TCF4: variants seen among roughly 807,000 people sequenced by gnomAD.
The protein encoded by TCF4 is transcription factor 4, also known as SL3-3 enhancer factor 2.
Under a neutral mutation model 82.1 loss-of-function variants are expected in TCF4, and 3 were observed. The ratio of observed to expected loss-of-function variants is 0.04; its 90% CI spans 0.02 to 0.09. The LOEUF (loss-of-function observed/expected upper bound fraction) is 0.09. Ranked by LOEUF, TCF4 falls within the 10% of genes least tolerant of loss-of-function variation. The probability of loss-of-function intolerance (pLI) is 1.00; values close to 1 mark genes in which losing one functional copy is unlikely to be tolerated. For synonymous variants in TCF4, 276 were observed against 309.6 expected (o/e 0.89, Z 1.14); for missense variants, 518 against 852.7 (o/e 0.61, Z 4.89).
intron 6 of TCF4, among the ~76,000 whole-genome samples, chr18:55,376,380 T>C (rs2090754052): frequency 6.6e-6 from 1 of 152,146 alleles, no homozygotes; most frequent in African/African-American, 2.4e-5. Flanking sequence ...TGCAGTTTTA[T>C]CACAGTGCAT....
chr18:55,401,210 A>T (rs2093796777), intron 6 of TCF4: 1 of 1,205,232 alleles, frequency 8.3e-7, no homozygotes, highest in Non-Finnish European at 1.1e-6. Context: ...AGAAATTCAT[A>T]CTCTGTACAT....
chr18:55,413,330 G>A (rs1405404936), intron 5 of TCF4, among the ~76,000 whole-genome samples: 1 of 152,162 alleles, frequency 6.6e-6, no homozygotes, highest in South Asian at 2.1e-4. Flanking sequence ...ATGCACTACT[G>A]AGAGAAACTG....
intron 8 of TCF4, among the ~76,000 whole-genome samples, chr18:55,345,895 T>C (rs931928770): frequency 1.3e-5 from 2 of 152,206 alleles, no homozygotes; most frequent in African/African-American, 4.8e-5. Context: ...AAAAGTGATG[T>C]AGGAAATTAT....
At chr18:55,329,125 GC>G (rs1467242557) in intron 8 of TCF4, among the ~76,000 whole-genome samples, 2 of 152,190 alleles carry the variant, frequency 1.3e-5, no homozygotes, top group African/African-American at 2.4e-5. Context: ...TACAGTGAGA[GC>G]ATCCAACGTA....
chr18:55,535,791 T>C (rs1337638528), intron 3 of TCF4, among the ~76,000 whole-genome samples: 1 of 152,188 alleles, frequency 6.6e-6, no homozygotes, highest in East Asian at 1.9e-4. Flanking sequence ...GTTCAAGGCA[T>C]TCTATGAGTT....
At chr18:55,526,160 C>T (rs1427271299) in intron 3 of TCF4, among the ~76,000 whole-genome samples, 4 of 152,134 alleles carry the variant, frequency 2.6e-5, no homozygotes, top group African/African-American at 9.7e-5. Flanking sequence ...TACAGAACCA[C>T]AAAGGGGAGA....
intron 5 of TCF4, among the ~76,000 whole-genome samples, chr18:55,414,740 T>A (rs2094468407): frequency 6.6e-6 from 1 of 152,162 alleles, no homozygotes; most frequent in Non-Finnish European, 1.5e-5. Context: ...TAGTCCTGTG[T>A]CCTGGGAGTA....
intron 6 of TCF4, among the ~76,000 whole-genome samples, chr18:55,367,833 A>G (rs945535263): frequency 6.6e-6 from 1 of 152,214 alleles, no homozygotes; most frequent in African/African-American, 2.4e-5. Context: ...AGATAGTTAA[A>G]CTCTAGATAA....
Position 55,459,480 on chromosome 18 carries a change from T to A in TCF4, c.304+1539A>T, listed in dbSNP as rs1382534889. Reference sequence around the variant, plus strand: ...ATTCTATTTTTCTTACTGTAGCTCATTGGAGGATCATTTTAGGATCCAAGG... The same window carrying A: ...ATTCTATTTTTCTTACTGTAGCTCAATGGAGGATCATTTTAGGATCCAAGG... On this transcript the variant is annotated intron_variant, in intron 5 of 19. Transcript: ENST00000354452. Among the ~76,000 whole-genome samples, 4 of 152,328 alleles carry A rather than the reference T, an allele frequency of 2.6e-5. No homozygotes were observed. The South Asian group carries it at 8.3e-4, about 32-fold the overall frequency.
intron 3 of TCF4, among the ~76,000 whole-genome samples, chr18:55,473,324 C>A (rs941780473): frequency 6.6e-6 from 1 of 152,082 alleles, no homozygotes; most frequent in East Asian, 1.9e-4. Flanking sequence ...TTCTCCCAAA[C>A]GGCATTCTTT....
intron 8 of TCF4, among the ~76,000 whole-genome samples, chr18:55,301,812 A>AGGG (rs1555848541): frequency 2.0e-5 from 2 of 101,076 alleles, no homozygotes; most frequent in African/African-American, 3.8e-5. Flanking sequence ...AAAAAAAAAA[A>AGGG]GTGGGGGGGG....
chr18:55,468,911 T>C (rs2145116219), intron 3 of TCF4, among the ~76,000 whole-genome samples: 1 of 132,246 alleles, frequency 7.6e-6, no homozygotes, highest in Non-Finnish European at 1.6e-5. Context: ...ATTGCCACCC[T>C]TTTTCCAAGA....
chr18:55,370,645 T>C (rs1254731455), intron 6 of TCF4, among the ~76,000 whole-genome samples: 1 of 152,032 alleles, frequency 6.6e-6, no homozygotes, highest in African/African-American at 2.4e-5. Flanking sequence ...ACTGTACATA[T>C]AGTGCAAATG....
At chr18:55,303,709 G>C (rs1462228303) in intron 8 of TCF4, among the ~76,000 whole-genome samples, 1 of 152,134 alleles carries the variant, frequency 6.6e-6, no homozygotes, top group Non-Finnish European at 1.5e-5. Flanking sequence ...GGAGAGATCA[G>C]GTTATTAAAA....
At chr18:55,330,250 G>T (rs893479483) in intron 8 of TCF4, among the ~76,000 whole-genome samples, 1 of 145,508 alleles carries the variant, frequency 6.9e-6, no homozygotes, top group African/African-American at 2.6e-5. Context: ...GCACGATCTC[G>T]GCTCACTGCA....
At chr18:55,501,910 C>A (rs1207872931) in intron 3 of TCF4, among the ~76,000 whole-genome samples, 1 of 152,140 alleles carries the variant, frequency 6.6e-6, no homozygotes, top group Non-Finnish European at 1.5e-5. Context: ...CCACCCTAAT[C>A]ATACAAACAC....
intron 1 of TCF4, among the ~76,000 whole-genome samples, 186 bp downstream of exon 1, chr18:55,587,852 G>A (rs2097666064): frequency 6.7e-6 from 1 of 149,228 alleles, no homozygotes; most frequent in Non-Finnish European, 1.5e-5. Flanking sequence ...TCAAGGGGAG[G>A]GGCGGGGGGG....
At position 55,577,183 on chromosome 18, in the gene TCF4, A is replaced by ATGTATATATACATTATATATTTATAT. The variant is rs1603624176; in HGVS notation, c.145+8096_145+8097insATATAAATATATAATGTATATATACA. 1.4e-5 allele frequency among the ~76,000 whole-genome samples: 2 copies of ATGTATATATACATTATATATTTATAT among 142,804 alleles called. 1 individual carries two copies. Among genetic ancestry groups the ATGTATATATACATTATATATTTATAT allele is most frequent in the African/African-American group, 5.1e-5 (2 of 39,344 alleles). 93.7% of individuals were successfully genotyped at this position (142,804 alleles called of 152,430 possible). A position where few individuals can be genotyped will look rare whatever the true frequency, so the allele number is the denominator to read the frequency against. On this transcript the variant is annotated intron_variant, in intron 3 of 19. Coordinates refer to ENST00000354452, the MANE Select transcript of TCF4 (RefSeq NM_001083962.2). ...GTATATATACATTTATATATTTATA[A>ATGTATATATACATTATATATTTATAT]ATGTATATATACATTTATATATTTA...
intron 6 of TCF4, among the ~76,000 whole-genome samples, chr18:55,377,644 A>T (rs939816453): frequency 6.6e-6 from 1 of 152,232 alleles, no homozygotes; most frequent in Non-Finnish European, 1.5e-5. Context: ...TTCAAAAAGG[A>T]CTTTAAACCC....
Sources: allele counts gnomAD v4.1 joint callset (sites outside exome capture counted in the v4.1 genomes callset), GRCh38; gene constraint gnomAD v4.1.1; transcripts MANE v1.5; gene names NCBI Gene and HGNC (gene_info 2026-07-23, HGNC 2026-07-21).